Variants in GOSR2 observed in about 807,000 individuals in gnomAD.
The protein encoded by GOSR2 is 27 kDa Golgi SNARE protein.
In GOSR2, 20 loss-of-function variants were observed where a neutral mutation model predicts 27.9. That is an observed-to-expected ratio of 0.72 (90% confidence interval 0.50 to 1.04). GOSR2 has a LOEUF of 1.04. Among genes scored for constraint, GOSR2 ranks in the 50% least tolerant of loss-of-function variants. The pLI is 0.00. For synonymous variants in GOSR2, 91 were observed against 98.8 expected, an observed-to-expected ratio of 0.92 and a Z score of 0.47; for missense variants, 261 against 270.5, an observed-to-expected ratio of 0.97 and a Z score of 0.25.
intron 6 of GOSR2, among the ~76,000 whole-genome samples, chr17:46,974,486 G>A (rs2091425949): frequency 6.6e-6 from 1 of 152,196 alleles, no homozygotes; most frequent in Admixed American, 6.5e-5. Context: ...TGTAATCCCA[G>A]CACTTTGGGA....
chr17:46,931,183 C>T lies in GOSR2; in HGVS notation c.179C>T (p.Pro60Leu). 1.9e-6 allele frequency: 3 copies of T among 1,591,896 alleles called. No homozygotes were observed. Among genetic ancestry groups the T allele is most frequent in the Non-Finnish European group, 2.6e-6 (3 of 1,159,662 alleles). ...GAGATTTTGTCCAGCAAGGAGCCCC[C>T]TAACAAAAGGCAAAATGCCAGACTG... ...RLEILSSKEP[P>L]NKRQNARLRV... Residue 60 changes from proline to leucine, a missense_variant, in exon 3 of 6, where the codon CCT (proline) becomes CTT (leucine). Pro to Leu is a moderately conservative substitution (Grantham distance 98). Transcript: ENST00000640051.
intron 6 of GOSR2, among the ~76,000 whole-genome samples, chr17:46,948,004 A>G (rs2003540): frequency 0.03 from 4,644 of 152,272 alleles, 129 homozygotes; most frequent in African/African-American, 0.074. Context: ...TCCTGACCTC[A>G]GGTGATCCAC....
chr17:46,941,416 T>A lies in GOSR2; in HGVS notation c.*2656T>A. On this transcript the variant is annotated 3_prime_UTR_variant, in exon 6 of 6. Transcript: ENST00000640051. Reference sequence around the variant, plus strand: ...TCATTTTTATAACTAATGGCCCCCTTTTTTTATGTTTCTAGGCCAGAGATT... The same window carrying A: ...TCATTTTTATAACTAATGGCCCCCTATTTTTATGTTTCTAGGCCAGAGATT... 1.0e-6 allele frequency: 1 copy of A among 984,076 alleles called. No individual in the cohort carries two copies. The highest frequency in any genetic ancestry group is 1.2e-6 in the Non-Finnish European group (1 of 828,716). The allele number at this position is 984,076 out of a possible 1,614,324, so 61.0% of individuals were successfully genotyped here.
chr17:46,934,396 C>T (rs563995997), intron 4 of GOSR2, among the ~76,000 whole-genome samples: 60 of 152,226 alleles, frequency 3.9e-4, no homozygotes, highest in African/African-American at 1.4e-3. Flanking sequence ...GTAGCATGCA[C>T]CTATGGTCCC....
rs1051689150 is a variant in GOSR2, at chr17:46,930,955, T to TA, written c.95-143dup. On this transcript the variant is annotated intron_variant, in intron 2 of 5. Transcript: ENST00000640051. Reference sequence around the variant, plus strand: ...ACGGCCTAACTTGAATTTTTTCTGTTATTCATTAGTGTATACATTTTTCTC... The same window carrying TA: ...ACGGCCTAACTTGAATTTTTTCTGTTAATTCATTAGTGTATACATTTTTCTC... 3.5e-5 allele frequency: 23 copies of TA among 648,716 alleles called. No individual in the cohort carries two copies. In the Admixed American group the frequency reaches 6.1e-4, roughly 17 times the overall value. The allele number at this position is 648,716 out of a possible 1,614,324, so 40.2% of individuals were successfully genotyped here.
At chr17:46,925,464 T>C (rs966080441) in intron 1 of GOSR2, among the ~76,000 whole-genome samples, 8 of 152,216 alleles carry the variant, frequency 5.3e-5, no homozygotes, top group Non-Finnish European at 5.9e-5. Context: ...CTATCTTTCC[T>C]CTCCAGTGCT....
At chr17:46,960,328 A>C (rs1218293025) in intron 6 of GOSR2, among the ~76,000 whole-genome samples, 2 of 152,200 alleles carry the variant, frequency 1.3e-5, no homozygotes, top group African/African-American at 2.4e-5. Flanking sequence ...CATACAAACA[A>C]ACACAACACA....
At chr17:46,952,086 T>C (rs963659041) in intron 6 of GOSR2, among the ~76,000 whole-genome samples, 3 of 152,236 alleles carry the variant, frequency 2.0e-5, no homozygotes, top group African/African-American at 7.2e-5. Flanking sequence ...GAAGCTATTT[T>C]TTTGGTGCAT....
At chr17:46,933,841 G>A (rs2146948042) in intron 4 of GOSR2, among the ~76,000 whole-genome samples, 1 of 151,854 alleles carries the variant, frequency 6.6e-6, no homozygotes, top group African/African-American at 2.4e-5. Context: ...GCGTGAGCCT[G>A]TGGTCCCAAC....
chr17:46,952,412 A>G (rs977188017), intron 6 of GOSR2, among the ~76,000 whole-genome samples: 2 of 152,084 alleles, frequency 1.3e-5, no homozygotes, highest in African/African-American at 4.8e-5. Flanking sequence ...ACCAACATCC[A>G]TTCCTCCCCT....
chr17:46,925,464 T>G (rs966080441), intron 1 of GOSR2, among the ~76,000 whole-genome samples: 1 of 152,334 alleles, frequency 6.6e-6, no homozygotes, highest in South Asian at 2.1e-4. Context: ...CTATCTTTCC[T>G]CTCCAGTGCT....
Position 46,940,415 on chromosome 17 carries a change from ATCTG to A in GOSR2, c.*1659_*1662del. The A allele has an allele frequency of 1.3e-6, 2 of 1,591,796 alleles. No homozygotes were observed. Among genetic ancestry groups the A allele is most frequent in the Non-Finnish European group, 1.7e-6 (2 of 1,173,926 alleles). On this transcript the variant is annotated 3_prime_UTR_variant, in exon 6 of 6. Transcript: ENST00000640051. The stretch of plus-strand genomic sequence containing the variant: ...GGGGTTGCAGCATCTTTAGACCTAG[ATCTG>A]TCTAACTCTGGGGAGGCACATTGAC...
rs1385621035 is a variant in GOSR2 at position 46,966,569 on chromosome 17, G to A, written c.619G>A (p.Glu207Lys). 44 of 694,922 alleles carry A rather than the reference G, an allele frequency of 6.3e-5. 1 individual carries two copies. The East Asian group carries it at 8.2e-4, about 13-fold the overall frequency. The allele number at this position is 694,922 out of a possible 1,614,324, so 43.0% of individuals were successfully genotyped here. The stretch of plus-strand genomic sequence containing the variant: ...TCACCATGTTGCCCAGAATGGACCC[G>A]AACTCCTGAGCTCAAGAGATCCTCC... Residue 207 changes from glutamate to lysine, a missense_variant, in exon 7 of 7, where the codon GAA becomes AAA. Transcript: ENST00000573224.
intron 1 of GOSR2, chr17:46,923,502 C>T (rs1031551677): frequency 1.4e-6 from 2 of 1,379,568 alleles, no homozygotes; most frequent in African/African-American, 2.9e-5. Context: ...GAAACTGGCA[C>T]CTGCAGGTTA....
downstream of GOSR2, chr17:46,975,605 C>T (rs1040712015): frequency 1.3e-5 from 2 of 152,388 alleles, no homozygotes; most frequent in South Asian, 2.1e-4. Context: ...CTCACCCCTT[C>T]TCAGGACCCC....
chr17:46,971,182 T>G (rs2091388797), downstream of GOSR2, among the ~76,000 whole-genome samples: 3 of 151,860 alleles, frequency 2.0e-5, no homozygotes, highest in South Asian at 6.3e-4. Context: ...TACTAACATA[T>G]AAAAATGAGC....
chr17:46,940,508 TA>T lies in GOSR2; in HGVS notation c.*1752del, dbSNP rs2089119053. Reference sequence around the variant, plus strand: ...CTAGCGCAGGACTTTTGGTAATCCATAAAATGGATTCTGAGACTGCGACGGC... The same window carrying T: ...CTAGCGCAGGACTTTTGGTAATCCATAAATGGATTCTGAGACTGCGACGGC... On this transcript the variant is annotated 3_prime_UTR_variant, in exon 6 of 6. Coordinates refer to ENST00000640051, the MANE Select transcript of GOSR2 (RefSeq NM_004287.5). The T allele has an allele frequency of 1.4e-5, 22 of 1,613,742 alleles. No individual in the cohort carries two copies. Among genetic ancestry groups the T allele is most frequent in the Non-Finnish European group, 1.9e-5 (22 of 1,179,832 alleles).
chr17:46,972,229 C>T (rs1312084349), intron 6 of GOSR2, among the ~76,000 whole-genome samples: 4 of 152,330 alleles, frequency 2.6e-5, no homozygotes, highest in East Asian at 3.9e-4. Context: ...CTTCTCCCGC[C>T]ACCCGCTTCT....
At chr17:46,949,892 C>G (rs2090201171) in intron 6 of GOSR2, among the ~76,000 whole-genome samples, 1 of 152,180 alleles carries the variant, frequency 6.6e-6, no homozygotes, top group African/African-American at 2.4e-5. Flanking sequence ...AGAAAGGCTG[C>G]AGAGGTAAGT....
Sources: gnomAD v4.1 joint callset for allele counts (sites outside exome capture counted in the v4.1 genomes callset) on GRCh38, gnomAD v4.1.1 for gene constraint, MANE v1.5 for transcripts, NCBI Gene and HGNC (gene_info 2026-07-23, HGNC 2026-07-21) for gene names.